The following MIGA1 variants were observed in gnomAD, a reference collection of about 807,000 sequenced individuals.
The protein encoded by MIGA1 is mitoguardin 1.
A neutral mutation model predicts 82.0 loss-of-function variants in MIGA1; 58 were observed. The ratio of observed to expected loss-of-function variants is 0.71; its 90% confidence interval spans 0.57 to 0.88. MIGA1 has a LOEUF of 0.88. Among genes scored for constraint, MIGA1 ranks in the 40% least tolerant of loss-of-function variants. The pLI is 0.00. For synonymous variants in MIGA1, 249 were observed against 253.6 expected, an observed-to-expected ratio of 0.98 and a Z score of 0.17; for missense variants, 751 against 749.1, an observed-to-expected ratio of 1.00 and a Z score of -0.03.
chr1:77,829,788 T>G (rs1338448247), intron 7 of MIGA1, among the ~76,000 whole-genome samples: 1 of 151,964 alleles, frequency 6.6e-6, no homozygotes, highest in Non-Finnish European at 1.5e-5. Context: ...TTTTTTTAAA[T>G]GTATTTTATT....
At chr1:77,832,908 C>T (rs1013071238) in intron 7 of MIGA1, among the ~76,000 whole-genome samples, 2 of 152,160 alleles carry the variant, frequency 1.3e-5, no homozygotes, top group African/African-American at 4.8e-5. Context: ...TTTATTGAGT[C>T]AGTGAGACAT....
At chr1:77,798,990 CT>C (rs1682770614) in intron 2 of MIGA1, among the ~76,000 whole-genome samples, 1 of 152,086 alleles carries the variant, frequency 6.6e-6, no homozygotes, top group African/African-American at 2.4e-5. Context: ...CTTTCTTTAG[CT>C]GATATTATGG....
intron 7 of MIGA1, among the ~76,000 whole-genome samples, chr1:77,824,595 A>G (rs1683959888): frequency 1.3e-5 from 2 of 152,218 alleles, no homozygotes; most frequent in African/African-American, 2.4e-5. Context: ...GATATTTTGG[A>G]AGGAGGTGAT....
chr1:77,827,880 A>G (rs1364842567), intron 7 of MIGA1, among the ~76,000 whole-genome samples: 4 of 152,060 alleles, frequency 2.6e-5, no homozygotes, highest in Admixed American at 2.6e-4. Context: ...TGGAAGTCCT[A>G]TATGAAATAT....
At chr1:77,849,565 A>G (rs1196878768) in intron 8 of MIGA1, among the ~76,000 whole-genome samples, 4 of 152,330 alleles carry the variant, frequency 2.6e-5, no homozygotes, top group African/African-American at 7.2e-5. Context: ...TGTGAATCAT[A>G]CATCTTGTCT....
rs1366220332 is a variant in MIGA1 at position 77,878,564 on chromosome 1, T to C, written c.*3500T>C. ...GAATTGCCCTTGCCACCATGAGCTC[T>C]ACCATCCACTTCCATATGTAAATTA... is the stretch of plus-strand genomic sequence containing the variant. On this transcript the variant is annotated 3_prime_UTR_variant, in exon 16 of 16. Coordinates refer to ENST00000370791, the MANE Select transcript of MIGA1 (RefSeq NM_198549.4). 3 of 276,638 alleles carry C rather than the reference T, an allele frequency of 1.1e-5. No individual in the cohort carries two copies. Among genetic ancestry groups the C allele is most frequent in the Non-Finnish European group, 2.0e-5 (3 of 149,590 alleles). 17.1% of individuals were successfully genotyped at this position (276,638 alleles called of 1,614,324 possible).
At chr1:77,840,853 C>G (rs1684603548) in intron 7 of MIGA1, among the ~76,000 whole-genome samples, 1 of 152,050 alleles carries the variant, frequency 6.6e-6, no homozygotes, top group Admixed American at 6.6e-5. Context: ...TAATCCCACT[C>G]TGATAATGCC....
intron 1 of MIGA1, among the ~76,000 whole-genome samples, 160 bp from the exon 2 acceptor site, chr1:77,783,078 G>A (rs1164385702): frequency 6.6e-6 from 1 of 150,616 alleles, no homozygotes; most frequent in Non-Finnish European, 1.5e-5. Context: ...TCTTTTACGC[G>A]TTTGGTGATT....
chr1:77,798,394 TC>T (rs1382611332), intron 2 of MIGA1, among the ~76,000 whole-genome samples: 1 of 152,184 alleles, frequency 6.6e-6, no homozygotes, highest in Admixed American at 6.5e-5. Context: ...GACTCACAGT[TC>T]CACATGGCTG....
intron 7 of MIGA1, among the ~76,000 whole-genome samples, chr1:77,836,146 T>G (rs866777103): frequency 7.9e-5 from 12 of 152,062 alleles, no homozygotes; most frequent in African/African-American, 2.9e-4. Context: ...TTGTTATGTG[T>G]TCAATAATCT....
chr1:77,866,247 C>T (rs1460099306), intron 13 of MIGA1, 91 bp from the exon 14 acceptor site: 2 of 1,171,656 alleles, frequency 1.7e-6, no homozygotes, highest in Non-Finnish European at 1.3e-6. Context: ...ATGTATTGAA[C>T]GTTTTAGACC....
rs1242873719 is a variant in MIGA1 at position 77,783,356 on chromosome 1, A to G, written c.195+5A>G. The G allele has an allele frequency of 3.3e-6, 5 of 1,520,846 alleles. No homozygotes were observed. The African/African-American group carries it at 4.1e-5, about 12-fold the overall frequency. 94.2% of individuals were successfully genotyped at this position (1,520,846 alleles called of 1,614,324 possible). ...TGGTACTATTCTCTCTCCCAGGTAA[A>G]TAAAAGAAGCAAACAGGAAGTTGAA... On this transcript the variant is annotated splice_donor_5th_base_variant and intron_variant, in intron 2 of 15. Transcript: ENST00000370791.
intron 7 of MIGA1, among the ~76,000 whole-genome samples, chr1:77,823,638 C>T (rs915833101): frequency 1.3e-5 from 2 of 152,154 alleles, no homozygotes; most frequent in Non-Finnish European, 2.9e-5. Context: ...AGTCATAGGT[C>T]ACTGCAGGCT....
intron 2 of MIGA1, among the ~76,000 whole-genome samples, chr1:77,790,961 A>G (rs762060707): frequency 3.9e-5 from 6 of 152,108 alleles, no homozygotes; most frequent in Non-Finnish European, 7.4e-5. Context: ...CAAGACTGCT[A>G]TATAAGGCTG....
chr1:77,839,881 A>G (rs1684567440), intron 7 of MIGA1, among the ~76,000 whole-genome samples: 1 of 152,100 alleles, frequency 6.6e-6, no homozygotes, highest in Admixed American at 6.6e-5. Context: ...AGCTGAGACT[A>G]CAGGTGTGTG....
intron 7 of MIGA1, among the ~76,000 whole-genome samples, chr1:77,827,546 C>A (rs918267165): frequency 2.6e-5 from 4 of 151,894 alleles, no homozygotes; most frequent in African/African-American, 9.7e-5. Context: ...ACATACTTAC[C>A]CAGCCAGCTG....
chr1:77,851,880 T>C (rs28735417), intron 8 of MIGA1, among the ~76,000 whole-genome samples: 67 of 88,248 alleles, frequency 7.6e-4, no homozygotes, highest in East Asian at 1.1e-3. Context: ...TTCTTTCTTT[T>C]TTTTTTTTTT....
intron 15 of MIGA1, among the ~76,000 whole-genome samples, chr1:77,873,449 AG>A (rs1646866515): frequency 6.6e-6 from 1 of 152,204 alleles, no homozygotes; most frequent in African/African-American, 2.4e-5. Flanking sequence ...CAATGTAGAT[AG>A]TTGGTTTTTC....
At chr1:77,871,185 A>G (rs1225732652) in intron 14 of MIGA1, among the ~76,000 whole-genome samples, 1 of 151,450 alleles carries the variant, frequency 6.6e-6, no homozygotes, top group Non-Finnish European at 1.5e-5. Flanking sequence ...TTAAATGGTA[A>G]CTGCTGCTAT....
Sources: gnomAD v4.1 joint callset for allele counts (sites outside exome capture counted in the v4.1 genomes callset) on GRCh38, gnomAD v4.1.1 for gene constraint, MANE v1.5 for transcripts, NCBI Gene and HGNC (gene_info 2026-07-23, HGNC 2026-07-21) for gene names.